The following RHOA variants were observed in gnomAD, a reference collection of about 807,000 sequenced individuals.
The protein encoded by RHOA is ras homolog family member A, also known as transforming protein RhoA.
A neutral mutation model predicts 17.5 loss-of-function variants in RHOA; 3 were observed. The observed-to-expected ratio is 0.17, with a 90% CI of 0.08 to 0.44. RHOA has a LOEUF of 0.44. Ranked by LOEUF, RHOA falls within the 20% of genes least tolerant of loss-of-function variation. RHOA has a pLI of 0.99. For missense variants in RHOA, 56 were observed against 242.3 expected, an observed-to-expected ratio of 0.23 and a Z score of 5.10; for synonymous variants, 98 against 88.4, an observed-to-expected ratio of 1.11 and a Z score of -0.61.
chr3:49,368,694 T>C, intron 2 of RHOA, 146 bp from the exon 3 acceptor site: 1 of 740,224 alleles, frequency 1.4e-6, no homozygotes, highest in Non-Finnish European at 2.1e-6. Context: ...AGTATTTACA[T>C]TTTTTCTTTT....
chr3:49,378,118 C>G (rs1442933655), intron 1 of RHOA, among the ~76,000 whole-genome samples: 2 of 145,724 alleles, frequency 1.4e-5, no homozygotes, highest in African/African-American at 5.1e-5. Context: ...CACTGCACTC[C>G]AGCCTGGGCA....
chr3:49,407,731 A>G (rs1469683398), intron 1 of RHOA, among the ~76,000 whole-genome samples: 1 of 152,122 alleles, frequency 6.6e-6, no homozygotes, highest in Non-Finnish European at 1.5e-5. Context: ...TAAAGGCCCT[A>G]TATGATTTGG....
At chr3:49,387,744 AAAAAAAAAC>A (rs2048425161) in intron 1 of RHOA, among the ~76,000 whole-genome samples, 1 of 135,904 alleles carries the variant, frequency 7.4e-6, no homozygotes. Flanking sequence ...AGGTCTCAAA[AAAAAAAAAC>A]AAAAAAAAAA....
chr3:49,396,171 T>C (rs1159336698), intron 1 of RHOA, among the ~76,000 whole-genome samples: 1 of 151,486 alleles, frequency 6.6e-6, no homozygotes, highest in Non-Finnish European at 1.5e-5. Context: ...TATGAGGAGG[T>C]GTCCAGCAAC....
intron 1 of RHOA, among the ~76,000 whole-genome samples, chr3:49,399,288 T>C (rs1480194100): frequency 6.6e-6 from 1 of 150,416 alleles, no homozygotes; most frequent in Non-Finnish European, 1.5e-5. Context: ...GAGAATGACG[T>C]GAACCTGGGA....
At chr3:49,396,320 T>C (rs898927699) in intron 1 of RHOA, among the ~76,000 whole-genome samples, 3 of 152,134 alleles carry the variant, frequency 2.0e-5, no homozygotes, top group East Asian at 3.8e-4. Flanking sequence ...ACGCCTGTAA[T>C]CCCAGCACTT....
intron 1 of RHOA, among the ~76,000 whole-genome samples, chr3:49,391,323 CAG>C (rs1178174459): frequency 6.7e-6 from 1 of 149,884 alleles, no homozygotes; most frequent in African/African-American, 2.5e-5. Context: ...ACCCAGGAGA[CAG>C]AGGCTGCAGT....
At chr3:49,400,306 C>T (rs1230643226) in intron 1 of RHOA, among the ~76,000 whole-genome samples, 3 of 151,888 alleles carry the variant, frequency 2.0e-5, no homozygotes, top group Non-Finnish European at 1.5e-5. Flanking sequence ...CTGGCCACCC[C>T]CCACCACCTC....
intron 2 of RHOA, among the ~76,000 whole-genome samples, chr3:49,371,541 A>G (rs13087851): frequency 0.29 from 43,459 of 152,064 alleles, 6,743 homozygotes; most frequent in Middle Eastern, 0.32. Flanking sequence ...TCAGCCTCCC[A>G]AAGTGCTGGA....
chr3:49,380,489 C>T lies in RHOA; in HGVS notation c.-2-4898G>A, dbSNP rs186999353. The stretch of plus-strand genomic sequence containing the variant: ...CTGGGAGGCCGAGGCGGGCAGATCA[C>T]GAGGTCAGGAGTTTGAGACCAGCCT... On this transcript the variant is annotated intron_variant, in intron 1 of 4. Transcript: ENST00000418115. 4.9e-3 allele frequency among the ~76,000 whole-genome samples: 745 copies of T among 151,986 alleles called. 9 individuals are homozygous for T. The highest frequency in any genetic ancestry group is 0.017 in the African/African-American group (709 of 41,470).
intron 2 of RHOA, among the ~76,000 whole-genome samples, chr3:49,371,649 T>C (rs1392204567): frequency 6.6e-6 from 1 of 152,134 alleles, no homozygotes; most frequent in African/African-American, 2.4e-5. Flanking sequence ...GACTCTTGAG[T>C]TGCTCTGAGG....
intron 1 of RHOA, among the ~76,000 whole-genome samples, chr3:49,391,394 A>AG (rs1478230074): frequency 6.6e-6 from 1 of 151,720 alleles, no homozygotes; most frequent in African/African-American, 2.4e-5. Flanking sequence ...TCCGTCAAAA[A>AG]AAAAAAAAAA....
intron 2 of RHOA, among the ~76,000 whole-genome samples, chr3:49,368,997 G>A (rs901939018): frequency 4.2e-5 from 5 of 118,486 alleles, no homozygotes; most frequent in African/African-American, 1.3e-4. Context: ...GTGACCCACC[G>A]CGCCTGGCCT....
At chr3:49,365,689 C>T (rs902111921) in intron 3 of RHOA, among the ~76,000 whole-genome samples, 11 of 149,796 alleles carry the variant, frequency 7.3e-5, no homozygotes, top group African/African-American at 2.7e-4. Context: ...CTCCCAGGTT[C>T]AAGCAATTCT....
At chr3:49,380,735 A>C (rs4955412) in intron 1 of RHOA, among the ~76,000 whole-genome samples, 64,682 of 147,936 alleles carry the variant, frequency 0.44, 15,459 homozygotes, top group East Asian at 0.93. Flanking sequence ...CTCATTATCA[A>C]AACTATATTG....
At chr3:49,367,816 C>A (rs1333426004) in intron 3 of RHOA, among the ~76,000 whole-genome samples, 5 of 151,950 alleles carry the variant, frequency 3.3e-5, no homozygotes, top group African/African-American at 1.2e-4. Flanking sequence ...GCCGCCGCAC[C>A]AGCCTTAGTT....
intron 1 of RHOA, among the ~76,000 whole-genome samples, chr3:49,397,074 G>C (rs1439961247): frequency 6.8e-6 from 1 of 147,422 alleles, no homozygotes; most frequent in Non-Finnish European, 1.5e-5. Flanking sequence ...AAGTGGCAGT[G>C]AGTAGTGATC....
chr3:49,364,188 A>C (rs1475546775), intron 3 of RHOA, among the ~76,000 whole-genome samples: 1 of 151,962 alleles, frequency 6.6e-6, no homozygotes, highest in African/African-American at 2.4e-5. Flanking sequence ...CATCTCTATT[A>C]AAAATACAAA....
rs961254165 is a variant in RHOA at position 49,411,874 on chromosome 3, G to C, written c.-57C>G. On this transcript the variant is annotated 5_prime_UTR_variant, in exon 1 of 5. Transcript: ENST00000418115. ...TCGCGCCGGGGACGCCGGTCCGCGA[G>C]TCGCAAACTCGGAGACGAAGGCGGG... is the stretch of plus-strand genomic sequence containing the variant. 8 of 152,166 alleles carry C rather than the reference G, an allele frequency of 5.3e-5. No homozygotes were observed. Among genetic ancestry groups the C allele is most frequent in the African/African-American group, 1.9e-4 (8 of 41,438 alleles). The allele number at this position is 152,166 out of a possible 1,614,324, so 9.4% of individuals were successfully genotyped here.
Sources: gnomAD v4.1 joint callset for allele counts (sites outside exome capture counted in the v4.1 genomes callset) on GRCh38, gnomAD v4.1.1 for gene constraint, MANE v1.5 for transcripts, NCBI Gene and HGNC (gene_info 2026-07-23, HGNC 2026-07-21) for gene names.